The following ESRP2 variants were observed in gnomAD, a reference collection of about 807,000 sequenced individuals.
ESRP2 encodes RNA binding motif protein 35A.
A neutral mutation model predicts 78.6 loss-of-function variants in ESRP2; 48 were observed. The ratio of observed to expected loss-of-function variants is 0.61; its 90% CI spans 0.48 to 0.78. ESRP2 has a LOEUF of 0.78. ESRP2 is among the 30% of genes least tolerant of loss of function. The pLI is 0.00. For synonymous variants in ESRP2, 383 were observed against 406.7 expected, an observed-to-expected ratio of 0.94 and a Z score of 0.70; for missense variants, 863 against 965.9, an observed-to-expected ratio of 0.89 and a Z score of 1.41.
Position 68,233,785 on chromosome 16 carries a change from A to G in ESRP2, c.539T>C (p.Val180Ala). ...ACAGATACCCTGTGCCATGGTGGCC[A>G]CAGTGAGGTCCCTGGCAGGGCAGGT... is the stretch of plus-strand genomic sequence containing the variant. ...PSTCPARDLTVATMAQGLGLE... is the reference protein window; with the variant it reads ...PSTCPARDLTAATMAQGLGLE... The change falls in exon 4 of 15, where the codon GTG (valine) becomes GCG (alanine). Residue 180 changes from valine (V) to alanine (A), a missense_variant. Val to Ala is a moderately conservative substitution (Grantham distance 64). Transcript: ENST00000473183. 4 of 1,613,854 alleles carry G rather than the reference A, an allele frequency of 2.5e-6. No individual in the cohort carries two copies. Among genetic ancestry groups the G allele is most frequent in the Middle Eastern group, 1.6e-4 (1 of 6,062 alleles).
Position 68,235,316 on chromosome 16 carries a change from C to A in ESRP2, c.327+318G>T, listed in dbSNP as rs1865665771. ...CCGGCTGCGGCTCAGGGAGACCTGA[C>A]CCAGCAGGTCTCCCAAAGGCGTCTC... On this transcript the variant is annotated intron_variant, in intron 2 of 14. Transcript: ENST00000473183. The surrounding 1 kb of genome is among the most constrained non-coding windows in gnomAD (Gnocchi z 5.5). 1 of 985,286 alleles carries A rather than the reference C, an allele frequency of 1.0e-6. No homozygotes were observed. Among genetic ancestry groups the A allele is most frequent in the South Asian group, 4.7e-5 (1 of 21,290 alleles). The allele number at this position is 985,286 out of a possible 1,614,324, so 61.0% of individuals were successfully genotyped here.
chr16:68,235,109 G>A lies in ESRP2; in HGVS notation c.327+525C>T, dbSNP rs770297514. On this transcript the variant is annotated intron_variant, in intron 2 of 14. Transcript: ENST00000473183. The surrounding 1 kb of genome is among the most constrained non-coding windows in gnomAD (Gnocchi z 5.5). ...GGCAGATAGTCCCCCAGGCCAGGCCGGGACAGCGCCCACGCCTGGCCAGCC... is the reference window on the plus strand; with the variant it reads ...GGCAGATAGTCCCCCAGGCCAGGCCAGGACAGCGCCCACGCCTGGCCAGCC... 59 of 988,756 alleles carry A rather than the reference G, an allele frequency of 6.0e-5. No individual in the cohort carries two copies. The highest frequency in any genetic ancestry group is 6.7e-5 in the Non-Finnish European group (56 of 831,948). The allele number at this position is 988,756 out of a possible 1,614,324, so 61.2% of individuals were successfully genotyped here.
chr16:68,235,488 G>T lies in ESRP2; in HGVS notation c.327+146C>A. On this transcript the variant is annotated intron_variant, in intron 2 of 14. Transcript: ENST00000473183. The surrounding 1 kb of genome is among the most constrained non-coding windows in gnomAD (Gnocchi z 5.5). ...GCGGATGAAAGGGGCACGCACACGC[G>T]AGAGTCGCTCAAAGTTTCAAACAAG... 6.9e-7 allele frequency: 1 copy of T among 1,446,400 alleles called. No homozygotes were observed. The highest frequency in any genetic ancestry group is 9.0e-7 in the Non-Finnish European group (1 of 1,105,104). 89.6% of individuals were successfully genotyped at this position (1,446,400 alleles called of 1,614,324 possible). A position where few individuals can be genotyped will look rare whatever the true frequency, so the allele number is the denominator to read the frequency against.
At chr16:68,234,730 A>G (rs530403104) in intron 2 of ESRP2, 9 of 152,564 alleles carry the variant, frequency 5.9e-5, no homozygotes, top group African/African-American at 1.9e-4. Context: ...CTGGAGAAGT[A>G]TAAACACTAA....
rs753925149 is a variant in ESRP2, at chr16:68,230,229, C to CA, written c.2150dup (p.Leu717PhefsTer9). The stretch of plus-strand genomic sequence containing the variant: ...TCTTACCTCCTGGCTTTCTCTCCTA[C>CA]AAACACACCCATTCCTTGGGGGCTT... On this transcript the variant is annotated frameshift_variant, in exon 15 of 15. Coordinates refer to ENST00000473183, the MANE Select transcript of ESRP2 (RefSeq NM_024939.3). LOFTEE classifies it high-confidence loss of function. 73 of 1,614,030 alleles carry CA rather than the reference C, an allele frequency of 4.5e-5. No individual in the cohort carries two copies. Among genetic ancestry groups the CA allele is most frequent in the Non-Finnish European group, 5.9e-5 (70 of 1,180,004 alleles).
At chr16:68,233,282 T>G in intron 5 of ESRP2, 45 bp downstream of exon 5, 1 of 1,352,970 alleles carries the variant, frequency 7.4e-7, no homozygotes, top group Non-Finnish European at 1.1e-6. Flanking sequence ...CAATAGGCAT[T>G]TGTCATCCCT....
rs1454850019 is a variant in ESRP2, at chr16:68,231,056, C to T, written c.1712-29G>A. On this transcript the variant is annotated intron_variant, in intron 12 of 14. Coordinates refer to ENST00000473183, the MANE Select transcript of ESRP2 (RefSeq NM_024939.3). The surrounding 1 kb of genome is among the most constrained non-coding windows in gnomAD (Gnocchi z 6.0). ...GAGACGGAAGTAGAAAGTGCATGTG[C>T]ACGGAGCCCAGCACTGCCCTGGGTG... 1 of 1,589,606 alleles carries T rather than the reference C, an allele frequency of 6.3e-7. No individual in the cohort carries two copies. Among genetic ancestry groups the T allele is most frequent in the African/African-American group, 1.3e-5 (1 of 74,412 alleles).
chr16:68,233,295 G>C (rs760502073), intron 5 of ESRP2, 32 bp downstream of exon 5: 1 of 1,482,386 alleles, frequency 6.7e-7, no homozygotes, highest in South Asian at 1.1e-5. Context: ...TCATCCCTGA[G>C]AACAGGTGAC....
At position 68,233,896 on chromosome 16, in the gene ESRP2, G is replaced by A. The variant is rs902846322; in HGVS notation, c.442-14C>T. 3 of 1,608,800 alleles carry A rather than the reference G, an allele frequency of 1.9e-6. No homozygotes were observed. Among genetic ancestry groups the A allele is most frequent in the Admixed American group, 3.3e-5 (2 of 59,992 alleles). Reference sequence around the variant, plus strand: ...GAGCACCAGGTTCTGGGGGCACATAGGATTGAGGATGAGCGCCCTGCCCAC... The same window carrying A: ...GAGCACCAGGTTCTGGGGGCACATAAGATTGAGGATGAGCGCCCTGCCCAC... On this transcript the variant is annotated splice_polypyrimidine_tract_variant and intron_variant, in intron 3 of 14. Coordinates refer to ENST00000473183, the MANE Select transcript of ESRP2 (RefSeq NM_024939.3).
At chr16:68,233,673 G>C (rs138351495) in intron 4 of ESRP2, 95 bp downstream of exon 4, 12 of 912,142 alleles carry the variant, frequency 1.3e-5, no homozygotes, top group Non-Finnish European at 1.8e-5. Flanking sequence ...ACGCAGTCTT[G>C]TATGTGTCCA....
rs1270941523 is a variant in ESRP2, at chr16:68,230,498, G to A, written c.1955C>T (p.Ala652Val). ...GGACAACACTGAGGTGGGAGCAGAG[G>A]CCAGGGCAGCAGTGGGTGTAGTGAG... The part of the protein sequence containing the change: ...GYLTTPTAAL[A>V]SAPTSVLSQS... Residue 652 changes from alanine to valine, a missense_variant, in exon 14 of 15, where the codon GCC becomes GTC. By Grantham distance (64) the Ala-to-Val change is moderately conservative (BLOSUM62 0). Coordinates refer to ENST00000473183, the MANE Select transcript of ESRP2 (RefSeq NM_024939.3). 6.2e-7 allele frequency: 1 copy of A among 1,609,098 alleles called. No individual in the cohort carries two copies. The highest frequency in any genetic ancestry group is 1.1e-5 in the South Asian group (1 of 90,196).
In ESRP2 at chr16:68,230,830, C is replaced by T; in HGVS notation, c.1898+11G>A. On this transcript the variant is annotated intron_variant, in intron 13 of 14. Coordinates refer to ENST00000473183, the MANE Select transcript of ESRP2 (RefSeq NM_024939.3). ...GAGTGGGACTGTGATATTCTCTTAG[C>T]TGCAGGGTACCTTGGGTAGTAGGCT... The T allele has an allele frequency of 6.2e-7, 1 of 1,613,920 alleles. No individual in the cohort carries two copies. The highest frequency in any genetic ancestry group is 8.5e-7 in the Non-Finnish European group (1 of 1,179,874).
chr16:68,236,092 G>C lies in ESRP2; in HGVS notation c.-47C>G. The C allele has an allele frequency of 7.2e-7, 1 of 1,389,590 alleles. No homozygotes were observed. The highest frequency in any genetic ancestry group is 1.6e-5 in the South Asian group (1 of 61,052). 86.1% of individuals were successfully genotyped at this position (1,389,590 alleles called of 1,614,324 possible). A position where few individuals can be genotyped will look rare whatever the true frequency, so the allele number is the denominator to read the frequency against. ...TCGGCCAGACACGCGGACCGACGAG[G>C]CGCACGCACGCACCGACCGACCGCA... is the stretch of plus-strand genomic sequence containing the variant. On this transcript the variant is annotated 5_prime_UTR_variant, in exon 1 of 15. Transcript: ENST00000473183. The surrounding 1 kb of genome is among the most constrained non-coding windows in gnomAD (Gnocchi z 5.2).
Position 68,231,695 on chromosome 16 carries a change from C to T in ESRP2, c.1300-1G>A, listed in dbSNP as rs1222413418. The T allele has an allele frequency of 1.2e-6, 2 of 1,601,116 alleles. No individual in the cohort carries two copies. Among genetic ancestry groups the T allele is most frequent in the East Asian group, 4.5e-5 (2 of 44,644 alleles). Reference sequence around the variant, plus strand: ...GGCCGGATGCATAGCGGTTCAAGACCTAGTAAGGAAGGCAGCAACAGGCTG... The same window carrying T: ...GGCCGGATGCATAGCGGTTCAAGACTTAGTAAGGAAGGCAGCAACAGGCTG... On this transcript the variant is annotated splice_acceptor_variant, in intron 10 of 14. Transcript: ENST00000473183. LOFTEE classifies it high-confidence loss of function. The surrounding 1 kb of genome is among the most constrained non-coding windows in gnomAD (Gnocchi z 6.0).
In ESRP2 at chr16:68,235,181, C is replaced by T. The variant is rs1596930298; in HGVS notation, c.327+453G>A. 4.1e-6 allele frequency: 4 copies of T among 985,372 alleles called. No homozygotes were observed. The highest frequency in any genetic ancestry group is 4.8e-6 in the Non-Finnish European group (4 of 829,928). The allele number at this position is 985,372 out of a possible 1,614,324, so 61.0% of individuals were successfully genotyped here. A position where few individuals can be genotyped will look rare whatever the true frequency, so the allele number is the denominator to read the frequency against. ...GCAGTTTACACCTGGCGGCGTCTACCTCTAGGGCCGACACCGCCCTACGCC... is the reference window on the plus strand; with the variant it reads ...GCAGTTTACACCTGGCGGCGTCTACTTCTAGGGCCGACACCGCCCTACGCC... On this transcript the variant is annotated intron_variant, in intron 2 of 14. Transcript: ENST00000473183. The surrounding 1 kb of genome is among the most constrained non-coding windows in gnomAD (Gnocchi z 5.5).
rs1262331470 is a variant in ESRP2, at chr16:68,233,368, G to A, written c.614C>T (p.Thr205Ile). The A allele has an allele frequency of 6.2e-7, 1 of 1,614,118 alleles. No individual in the cohort carries two copies. The highest frequency in any genetic ancestry group is 8.5e-7 in the Non-Finnish European group (1 of 1,179,998). Residue 205 changes from threonine (T) to isoleucine (I), a missense_variant, in exon 5 of 15, where the codon ACA becomes ATA. Physicochemically the swap from Thr to Ile is moderately conservative, Grantham distance 89. Transcript: ENST00000473183. ...EDDFGVWEVK[T>I]MVAVILHLLK... is the part of the protein sequence containing the mutation. Reference sequence around the variant, plus strand: ...TAGATGGAGGATAACAGCTACCATTGTCTTGACTTCCCAGACCCCAAAGTC... The same window carrying A: ...TAGATGGAGGATAACAGCTACCATTATCTTGACTTCCCAGACCCCAAAGTC...
chr16:68,230,102 G>A lies in ESRP2; in HGVS notation c.*124C>T. 6 of 873,866 alleles carry A rather than the reference G, an allele frequency of 6.9e-6. No homozygotes were observed. The South Asian group carries it at 9.1e-5, about 13-fold the overall frequency. The allele number at this position is 873,866 out of a possible 1,614,324, so 54.1% of individuals were successfully genotyped here. ...GGAGCTGGGGCTTGGGCTCCTCTAG[G>A]TACCTTCTGAGAGCTTTGACAAGCC... On this transcript the variant is annotated 3_prime_UTR_variant, in exon 15 of 15. Coordinates refer to ENST00000473183, the MANE Select transcript of ESRP2 (RefSeq NM_024939.3).
chr16:68,236,005 T>C lies in ESRP2; in HGVS notation c.41A>G (p.Asp14Gly). The change falls in exon 1 of 15, where the codon GAC becomes GGC. Residue 14 changes from aspartate to glycine, a missense_variant. By Grantham distance (94) the Asp-to-Gly change is moderately conservative. Coordinates refer to ENST00000473183, the MANE Select transcript of ESRP2 (RefSeq NM_024939.3). This position sits in a 1 kb window ranked among gnomAD's most constrained non-coding sequence, Gnocchi z 5.2. ...PPPPPPPPGP[D>G]PAADPAADPC... ...GTCCGCGGCGGGGTCGGCCGCGGGGTCAGGGCCCGGGGGAGGGGGCGGCGG... is the reference window on the plus strand; with the variant it reads ...GTCCGCGGCGGGGTCGGCCGCGGGGCCAGGGCCCGGGGGAGGGGGCGGCGG... 1.3e-6 allele frequency: 2 copies of C among 1,549,370 alleles called. No individual in the cohort carries two copies. The highest frequency in any genetic ancestry group is 1.7e-6 in the Non-Finnish European group (2 of 1,151,014).
chr16:68,230,626 C>T (rs2042116429), intron 13 of ESRP2, 72 bp from the exon 14 acceptor site: 3 of 1,493,936 alleles, frequency 2.0e-6, no homozygotes, highest in East Asian at 2.3e-5. Context: ...TTCCCTCCTC[C>T]CTTGTTTCTG....
Sources: gnomAD v4.1 joint callset for allele counts on GRCh38, gnomAD v4.1.1 for gene constraint, Gnocchi (gnomAD v3.1) non-coding constraint, MANE v1.5 for transcripts, NCBI Gene and HGNC (gene_info 2026-07-23, HGNC 2026-07-21) for gene names.